The following RPA2 variants were observed in gnomAD, a reference collection of about 807,000 sequenced individuals.
RPA2 encodes the protein replication protein A 32 kDa subunit.
A neutral mutation model predicts 33.4 loss-of-function variants in RPA2; 22 were observed. The observed-to-expected ratio is 0.66, with a 90% CI of 0.47 to 0.94. The LOEUF is 0.94. Ranked by LOEUF, RPA2 falls within the 40% of genes least tolerant of loss-of-function variation. RPA2 has a pLI of 0.00. For missense variants in RPA2, 279 were observed against 329.9 expected, an observed-to-expected ratio of 0.85 and a Z score of 1.19; for synonymous variants, 109 against 114.9, an observed-to-expected ratio of 0.95 and a Z score of 0.33.
chr1:27,914,682 G>C (rs369350420), upstream of RPA2: 1 of 1,612,524 alleles, frequency 6.2e-7, no homozygotes, highest in Admixed American at 1.7e-5. Flanking sequence ...CGCGTACTGC[G>C]CTCCCAGTTG....
At chr1:27,902,590 G>C (rs1357001543) in intron 4 of RPA2, among the ~76,000 whole-genome samples, 2 of 151,886 alleles carry the variant, frequency 1.3e-5, no homozygotes, top group Non-Finnish European at 2.9e-5. Context: ...TAGTCAAAAA[G>C]ACTATTTTTT....
chr1:27,894,005 T>C lies in RPA2; in HGVS notation c.728+7A>G, dbSNP rs377711622. ...AGAGCCTGAGCTCATGAAAATCAAATACTTACTTGATTGAGGATACAGACA... is the reference window on the plus strand; with the variant it reads ...AGAGCCTGAGCTCATGAAAATCAAACACTTACTTGATTGAGGATACAGACA... On this transcript the variant is annotated splice_region_variant and intron_variant, in intron 8 of 8. Coordinates refer to ENST00000373912, the MANE Select transcript of RPA2 (RefSeq NM_002946.5). 1.6e-5 allele frequency: 25 copies of C among 1,609,940 alleles called. No individual in the cohort carries two copies. The highest frequency in any genetic ancestry group is 1.6e-4 in the Middle Eastern group (1 of 6,078).
In RPA2 at chr1:27,894,780, C is replaced by A. The variant is rs1442260405; in HGVS notation, c.526-383G>T. On this transcript the variant is annotated intron_variant, in intron 6 of 8. Transcript: ENST00000373912. The stretch of plus-strand genomic sequence containing the variant: ...AGCACCACAGGCAGAGAAAAGGAGA[C>A]ACAGTCCCTATCGTCCTCTCTTTCT... Among the ~76,000 whole-genome samples, 6 of 152,294 alleles carry A rather than the reference C, an allele frequency of 3.9e-5. No homozygotes were observed. In the South Asian group the frequency reaches 1.2e-3, roughly 32 times the overall value.
Position 27,892,110 on chromosome 1 carries a change from A to C in RPA2, c.*53T>G. ...ACATATGCAGAGCTGGAGACAACAG[A>C]TTGTGAAACTAGGTCCAGCTGTAAA... On this transcript the variant is annotated 3_prime_UTR_variant, in exon 9 of 9. Coordinates refer to ENST00000373912, the MANE Select transcript of RPA2 (RefSeq NM_002946.5). 1 of 1,467,256 alleles carries C rather than the reference A, an allele frequency of 6.8e-7. No individual in the cohort carries two copies. The highest frequency in any genetic ancestry group is 9.5e-7 in the Non-Finnish European group (1 of 1,048,790). The allele number at this position is 1,467,256 out of a possible 1,614,324, so 90.9% of individuals were successfully genotyped here.
Position 27,892,045 on chromosome 1 carries a change from T to C in RPA2, c.*118A>G, listed in dbSNP as rs528037066. 1.1e-4 allele frequency: 74 copies of C among 696,194 alleles called. No individual in the cohort carries two copies. Among genetic ancestry groups the C allele is most frequent in the South Asian group, 5.2e-4 (25 of 47,866 alleles). The allele number at this position is 696,194 out of a possible 1,614,324, so 43.1% of individuals were successfully genotyped here. On this transcript the variant is annotated 3_prime_UTR_variant, in exon 9 of 9. Transcript: ENST00000373912. ...TTCAAAAGGAAGTCAGAGGAGACAT[T>C]TGATAGATGAAACCTACTTCCTAGA...
At position 27,914,094 on chromosome 1, in the gene RPA2, G is replaced by A. The variant is rs1167754276; in HGVS notation, c.86C>T (p.Ser29Leu). The A allele has an allele frequency of 6.3e-7, 1 of 1,592,706 alleles. No homozygotes were observed. The highest frequency in any genetic ancestry group is 1.1e-5 in the South Asian group (1 of 89,012). The stretch of plus-strand genomic sequence containing the variant: ...CTTTTCGGCTTGAGAAGGTGCGGGC[G>A]ATCCAAAGCCCCCCGGGGACTGCGT... Reference protein sequence around the residue: ...GYTQSPGGFGSPAPSQAEKKS... With the variant: ...GYTQSPGGFGLPAPSQAEKKS... Residue 29 changes from serine to leucine, a missense_variant, in exon 2 of 9, where the codon TCG (serine) becomes TTG (leucine). Physicochemically the swap from Ser to Leu is moderately radical, Grantham distance 145. This residue lies in a region of RPA2 where 274 missense variants were observed against 310.3 expected (regional missense o/e 0.88). Coordinates refer to ENST00000373912, the MANE Select transcript of RPA2 (RefSeq NM_002946.5).
At chr1:27,907,309 A>G (rs1197324670) in intron 2 of RPA2, 27 bp from the exon 3 acceptor site, 3 of 1,571,032 alleles carry the variant, frequency 1.9e-6, no homozygotes, top group African/African-American at 1.4e-5. Context: ...TGCAAAATTC[A>G]ATTAAGAAAG....
At chr1:27,902,759 T>TA (rs28904874) in intron 4 of RPA2, among the ~76,000 whole-genome samples, 5,509 of 146,548 alleles carry the variant, frequency 0.038, 298 homozygotes, top group African/African-American at 0.13. Flanking sequence ...GCCTATTTCT[T>TA]AAAAAAAAAA....
intron 2 of RPA2, among the ~76,000 whole-genome samples, chr1:27,912,425 T>C (rs913860616): frequency 6.7e-6 from 1 of 148,762 alleles, no homozygotes; most frequent in African/African-American, 2.5e-5. Context: ...GCAGTGAACA[T>C]AGGTAGTACC....
At chr1:27,911,858 C>T (rs1255177505) in intron 2 of RPA2, among the ~76,000 whole-genome samples, 5 of 151,030 alleles carry the variant, frequency 3.3e-5, no homozygotes, top group Non-Finnish European at 7.4e-5. Flanking sequence ...TTTGGGAGGC[C>T]GAGGCGGGCA....
chr1:27,902,834 T>C (rs1206908053), intron 4 of RPA2, among the ~76,000 whole-genome samples: 1 of 152,112 alleles, frequency 6.6e-6, no homozygotes, highest in East Asian at 1.9e-4. Flanking sequence ...CTGGTACCTT[T>C]AGAGAAGACA....
intron 2 of RPA2, among the ~76,000 whole-genome samples, chr1:27,911,972 T>C (rs1250010956): frequency 6.6e-6 from 1 of 152,082 alleles, no homozygotes; most frequent in African/African-American, 2.4e-5. Flanking sequence ...CGGGCGCCTG[T>C]AGTCCCAGTT....
At chr1:27,894,534 G>C (rs1242469768) in intron 6 of RPA2, 137 bp from the exon 7 acceptor site, 1 of 631,900 alleles carries the variant, frequency 1.6e-6, no homozygotes. Flanking sequence ...GCTTACATTG[G>C]AGTGGACAGC....
chr1:27,904,647 C>T (rs969454718), intron 4 of RPA2, among the ~76,000 whole-genome samples: 39 of 151,534 alleles, frequency 2.6e-4, no homozygotes, highest in African/African-American at 9.0e-4. Context: ...GAAGGAGAAC[C>T]GCATTTTTTT....
Position 27,897,590 on chromosome 1 carries a change from T to A in RPA2, c.408+43A>T, listed in dbSNP as rs1043444627. The A allele has an allele frequency of 2.1e-6, 3 of 1,458,976 alleles. 1 individual carries two copies. The highest frequency in any genetic ancestry group is 2.0e-5 in the Admixed American group (1 of 50,712). The allele number at this position is 1,458,976 out of a possible 1,614,324, so 90.4% of individuals were successfully genotyped here. On this transcript the variant is annotated intron_variant, in intron 5 of 8. Coordinates refer to ENST00000373912, the MANE Select transcript of RPA2 (RefSeq NM_002946.5). ...GCCATGACATGAATCTAGAAACTGC[T>A]TCATGCAAAAACACTTTAACTGTTA...
chr1:27,900,334 A>G (rs1397895211), intron 4 of RPA2, among the ~76,000 whole-genome samples: 1 of 151,646 alleles, frequency 6.6e-6, no homozygotes, highest in Non-Finnish European at 1.5e-5. Flanking sequence ...CTGGTGTCAA[A>G]CTCCTGGCCT....
chr1:27,907,543 A>G (rs7535816), intron 2 of RPA2, among the ~76,000 whole-genome samples: 66,509 of 152,002 alleles, frequency 0.44, 15,175 homozygotes, highest in African/African-American at 0.58. Context: ...ACCAAAATGA[A>G]TAGGTCAGAG....
chr1:27,899,513 G>GAAA (rs67126026), intron 4 of RPA2, among the ~76,000 whole-genome samples: 2,058 of 107,500 alleles, frequency 0.019, 29 homozygotes, highest in African/African-American at 0.05. Flanking sequence ...AAAAAAAAAA[G>GAAA]AAAAAAAAAA....
intron 8 of RPA2, among the ~76,000 whole-genome samples, 154 bp from the exon 9 acceptor site, chr1:27,892,401 C>G (rs2089836043): frequency 6.6e-6 from 1 of 152,222 alleles, no homozygotes; most frequent in African/African-American, 2.4e-5. Flanking sequence ...AAAGCTCTCA[C>G]AGGGAGAAAT....
Sources: allele counts gnomAD v4.1 joint callset (sites outside exome capture counted in the v4.1 genomes callset), GRCh38; gene constraint gnomAD v4.1.1; regional missense constraint gnomAD v4.1.1; transcripts MANE v1.5; gene names NCBI Gene and HGNC (gene_info 2026-07-23, HGNC 2026-07-21).